The following PLEKHA7 variants were observed in gnomAD, a reference collection of about 807,000 sequenced individuals.
The protein encoded by PLEKHA7 is pleckstrin homology domain containing A7.
Under a neutral mutation model 170.0 loss-of-function variants are expected in PLEKHA7, and 104 were observed. The ratio of observed to expected loss-of-function variants is 0.61; its 90% CI spans 0.52 to 0.72. PLEKHA7 has a LOEUF of 0.72. PLEKHA7 is among the 30% of genes least tolerant of loss of function. PLEKHA7 has a pLI of 0.00. For missense variants in PLEKHA7, 1,615 were observed against 1,671.7 expected (o/e 0.97, Z 0.59); for synonymous variants, 648 against 660.8 (o/e 0.98, Z 0.30).
At chr11:16,790,972 C>G (rs1847804993) in intron 20 of PLEKHA7, 39 bp downstream of exon 20, 1 of 1,613,958 alleles carries the variant, frequency 6.2e-7, no homozygotes, top group Non-Finnish European at 8.5e-7. Context: ...TTTACCTCTC[C>G]CCACATGTAG....
intron 3 of PLEKHA7, among the ~76,000 whole-genome samples, chr11:16,990,894 C>A (rs958168142): frequency 2.6e-5 from 4 of 152,218 alleles, no homozygotes; most frequent in African/African-American, 9.6e-5. Context: ...CTGGCTACTG[C>A]CAGTATCTGT....
intron 3 of PLEKHA7, among the ~76,000 whole-genome samples, chr11:16,893,682 T>C (rs985457876): frequency 6.6e-6 from 1 of 152,162 alleles, no homozygotes; most frequent in East Asian, 1.9e-4. Flanking sequence ...ATGAGCTCAT[T>C]TGCAGGTGTG....
In PLEKHA7 at chr11:16,816,866, G is replaced by A. The variant is rs1252430315; in HGVS notation, c.1800C>T (p.Asp600=). 3 of 1,613,994 alleles carry A rather than the reference G, an allele frequency of 1.9e-6. No homozygotes were observed. The highest frequency in any genetic ancestry group is 2.5e-6 in the Non-Finnish European group (3 of 1,180,028). Residue 600 remains aspartate, a synonymous_variant, in exon 11 of 27, where the codon GAC becomes GAT. Transcript: ENST00000531066. The part of the protein sequence containing the change: ...PAERVTVKPP[D]QRRSVDISLG... Reference sequence around the variant, plus strand: ...GCGAGATGTCCACACTCCTCCTCTGGTCCGGTGGCTTCACTGTGACTCGCT... The same window carrying A: ...GCGAGATGTCCACACTCCTCCTCTGATCCGGTGGCTTCACTGTGACTCGCT...
chr11:16,908,259 A>AT (rs1663679338), intron 3 of PLEKHA7, among the ~76,000 whole-genome samples: 1 of 145,672 alleles, frequency 6.9e-6, no homozygotes, highest in African/African-American at 2.5e-5. Context: ...TGATCAATAA[A>AT]AAAAAAAAAA....
At chr11:16,887,809 C>T (rs1490623121) in intron 3 of PLEKHA7, among the ~76,000 whole-genome samples, 1 of 152,186 alleles carries the variant, frequency 6.6e-6, no homozygotes, top group African/African-American at 2.4e-5. Context: ...CTCTGCCCAG[C>T]CGCCACCCCG....
At chr11:17,009,768 T>C (rs975867095) in intron 3 of PLEKHA7, among the ~76,000 whole-genome samples, 1 of 152,076 alleles carries the variant, frequency 6.6e-6, no homozygotes, top group Non-Finnish European at 1.5e-5. Context: ...CTCAAGTTGC[T>C]AGGATTACAG....
At chr11:16,781,086 T>TA in intron 26 of PLEKHA7, 1 of 873,654 alleles carries the variant, frequency 1.1e-6, no homozygotes, top group Non-Finnish European at 1.4e-6. Context: ...AGCGGTGTGT[T>TA]AGACTCCTCA....
chr11:16,961,524 C>T (rs1426527638), intron 3 of PLEKHA7, among the ~76,000 whole-genome samples: 3 of 152,210 alleles, frequency 2.0e-5, no homozygotes, highest in Non-Finnish European at 4.4e-5. Context: ...GAAAAGAGGC[C>T]CTCCAACCCT....
chr11:16,954,851 C>T (rs946620352), intron 3 of PLEKHA7, among the ~76,000 whole-genome samples: 4 of 152,034 alleles, frequency 2.6e-5, no homozygotes, highest in Middle Eastern at 3.4e-3. Flanking sequence ...CCACCACACC[C>T]GGCTAATTTT....
At position 16,803,238 on chromosome 11, in the gene PLEKHA7, T is replaced by A. The variant is rs1848721168; in HGVS notation, c.2065A>T (p.Ser689Cys). Residue 689 changes from serine to cysteine, a missense_variant, in exon 14 of 27, where the codon AGC becomes TGC. Coordinates refer to ENST00000531066, the MANE Select transcript of PLEKHA7 (RefSeq NM_001329630.2). The part of the protein sequence containing the change: ...RSLKPVKIAE[S>C]DTDVKLSIFC... The stretch of plus-strand genomic sequence containing the variant: ...CTCTGCTCACTCACGTCAGTGTCGC[T>A]CTCAGCGATCTTCACAGGCTTCAGA... The A allele has an allele frequency of 1.2e-6, 2 of 1,613,782 alleles. No homozygotes were observed. Among genetic ancestry groups the A allele is most frequent in the African/African-American group, 2.7e-5 (2 of 74,910 alleles).
intron 3 of PLEKHA7, among the ~76,000 whole-genome samples, chr11:16,987,936 C>T (rs767594157): frequency 6.6e-6 from 1 of 152,244 alleles, no homozygotes; most frequent in Non-Finnish European, 1.5e-5. Context: ...AAATACCTGG[C>T]ATGGCACAGA....
intron 3 of PLEKHA7, among the ~76,000 whole-genome samples, chr11:16,900,642 TG>T (rs1857269050): frequency 6.6e-6 from 1 of 152,096 alleles, no homozygotes; most frequent in African/African-American, 2.4e-5. Context: ...AACAACTGGG[TG>T]GTCCTTGAAC....
intron 3 of PLEKHA7, among the ~76,000 whole-genome samples, chr11:16,905,057 G>C (rs1339723232): frequency 6.6e-6 from 1 of 152,094 alleles, no homozygotes; most frequent in Non-Finnish European, 1.5e-5. Context: ...TTTGAGACTA[G>C]CCTGGGCAAC....
intron 9 of PLEKHA7, among the ~76,000 whole-genome samples, chr11:16,832,665 T>C (rs1012224959): frequency 1.3e-5 from 2 of 152,208 alleles, no homozygotes; most frequent in African/African-American, 4.8e-5. Context: ...TGACAGCTTG[T>C]AGGGGCTTGA....
rs117527401 is a variant in PLEKHA7 at position 16,915,129 on chromosome 11, A to G, written c.222-43947T>C. On this transcript the variant is annotated intron_variant, in intron 3 of 26. Coordinates refer to ENST00000531066, the MANE Select transcript of PLEKHA7 (RefSeq NM_001329630.2). ...TCCCCAACCCACCTCAATGACCCTT[A>G]AGGGGATGGGGTTCACTATCAAGGC... is the stretch of plus-strand genomic sequence containing the variant. 1.1e-3 allele frequency among the ~76,000 whole-genome samples: 160 copies of G among 152,242 alleles called. 3 individuals are homozygous for G. In the East Asian group the frequency reaches 0.025, roughly 24 times the overall value.
intron 3 of PLEKHA7, among the ~76,000 whole-genome samples, chr11:16,967,458 A>T (rs1862441839): frequency 6.6e-6 from 1 of 152,180 alleles, no homozygotes; most frequent in Non-Finnish European, 1.5e-5. Flanking sequence ...GCTCTAGGCG[A>T]TGCTGGTCAT....
intron 3 of PLEKHA7, among the ~76,000 whole-genome samples, chr11:16,963,340 C>A (rs201412149): frequency 6.7e-6 from 1 of 149,640 alleles, no homozygotes; most frequent in South Asian, 2.1e-4. Flanking sequence ...TTTTTTTTTT[C>A]TTTTTTGAGG....
At chr11:16,971,989 A>T (rs957879454) in intron 3 of PLEKHA7, among the ~76,000 whole-genome samples, 27 of 151,882 alleles carry the variant, frequency 1.8e-4, no homozygotes, top group Admixed American at 1.7e-3. Context: ...ACATCTGGCT[A>T]ATTTTTATAT....
At chr11:16,840,682 G>C (rs1338376856) in intron 9 of PLEKHA7, among the ~76,000 whole-genome samples, 1 of 152,180 alleles carries the variant, frequency 6.6e-6, no homozygotes, top group East Asian at 1.9e-4. Context: ...GAAGTGCTAT[G>C]GGAGCTCCAG....
Sources: gnomAD v4.1 joint callset for allele counts (sites outside exome capture counted in the v4.1 genomes callset) on GRCh38, gnomAD v4.1.1 for gene constraint, MANE v1.5 for transcripts, NCBI Gene and HGNC (gene_info 2026-07-23, HGNC 2026-07-21) for gene names.